The following ITGB3 variants were observed in gnomAD, a reference collection of about 807,000 sequenced individuals.
ITGB3 encodes the protein integrin subunit beta 3.
ITGB3 carries 48 observed loss-of-function variants against 85.8 expected under a neutral mutation model. That is an observed-to-expected ratio of 0.56 (90% CI 0.44 to 0.71). ITGB3 has a LOEUF of 0.71. Among genes scored for constraint, ITGB3 ranks in the 30% least tolerant of loss-of-function variants. The pLI is 0.00. For missense variants in ITGB3, 861 were observed against 1,019.1 expected, an observed-to-expected ratio of 0.84 and a Z score of 2.11; for synonymous variants, 363 against 395.6, an observed-to-expected ratio of 0.92 and a Z score of 0.98.
At position 47,290,280 on chromosome 17, in the gene ITGB3, T is replaced by C; in HGVS notation, c.1125+6T>C. On this transcript the variant is annotated splice_donor_region_variant and intron_variant, in intron 8 of 14. Coordinates refer to ENST00000559488, the MANE Select transcript of ITGB3 (RefSeq NM_000212.3). ...TCATTGTTGATGCTTATGGGGTAAG[T>C]GTCTTGTGCTGGGAATAGTCCCGCG... 2 of 1,611,504 alleles carry C rather than the reference T, an allele frequency of 1.2e-6. No individual in the cohort carries two copies. Among genetic ancestry groups the C allele is most frequent in the Non-Finnish European group, 1.7e-6 (2 of 1,177,904 alleles).
At chr17:47,284,415 T>C in intron 3 of ITGB3, 28 bp from the exon 4 acceptor site, 1 of 1,613,988 alleles carries the variant, frequency 6.2e-7, no homozygotes, top group Non-Finnish European at 8.5e-7. Context: ...GAGAAGAAGA[T>C]AAAAACTAAC....
intron 10 of ITGB3, among the ~76,000 whole-genome samples, chr17:47,293,411 A>G (rs534078171): frequency 1.3e-5 from 2 of 152,320 alleles, no homozygotes; most frequent in East Asian, 3.9e-4. Flanking sequence ...CAACACTCTC[A>G]GAGGGCAAAT....
intron 2 of ITGB3, among the ~76,000 whole-genome samples, chr17:47,276,071 G>A (rs948148557): frequency 2.6e-5 from 4 of 152,170 alleles, no homozygotes; most frequent in Admixed American, 2.6e-4. Context: ...GGGGGGCCTT[G>A]GGTAGCCGAA....
At chr17:47,284,779 C>T in intron 4 of ITGB3, 84 bp downstream of exon 4, 1 of 1,568,540 alleles carries the variant, frequency 6.4e-7, no homozygotes, top group African/African-American at 1.4e-5. Context: ...GCTCTAGGAT[C>T]ACTTTGTTGG....
intron 10 of ITGB3, among the ~76,000 whole-genome samples, chr17:47,293,858 G>A (rs148917834): frequency 0.019 from 2,960 of 152,110 alleles, 84 homozygotes; most frequent in African/African-American, 0.068. Flanking sequence ...CTCCCACCTC[G>A]GCCTCCCAAA....
Position 47,302,847 on chromosome 17 carries a change from GA to G in ITGB3, c.2134+9del. Reference sequence around the variant, plus strand: ...TATGTGGTAGAAGAGCCAGGTGAGTGAACCCTGACGGCTCCCGGCCCTGCCC... The same window carrying G: ...TATGTGGTAGAAGAGCCAGGTGAGTGACCCTGACGGCTCCCGGCCCTGCCC... On this transcript the variant is annotated splice_region_variant and intron_variant, in intron 13 of 14. Coordinates refer to ENST00000559488, the MANE Select transcript of ITGB3 (RefSeq NM_000212.3). The G allele has an allele frequency of 6.2e-7, 1 of 1,614,136 alleles. No individual in the cohort carries two copies. Among genetic ancestry groups the G allele is most frequent in the Non-Finnish European group, 8.5e-7 (1 of 1,180,006 alleles).
At chr17:47,279,638 T>C (rs1168957435) in intron 2 of ITGB3, 2 of 152,156 alleles carry the variant, frequency 1.3e-5, no homozygotes, top group Non-Finnish European at 2.9e-5. Flanking sequence ...CATTAGAAAA[T>C]AGGAGTCAGG....
At chr17:47,268,352 A>T (rs1272697555) in intron 1 of ITGB3, among the ~76,000 whole-genome samples, 1 of 152,218 alleles carries the variant, frequency 6.6e-6, no homozygotes, top group Admixed American at 6.5e-5. Context: ...TTAACCTGAA[A>T]GTCCAAGTCC....
At position 47,299,276 on chromosome 17, in the gene ITGB3, C is replaced by T. The variant is rs765317520; in HGVS notation, c.1691-32C>T. ...GCCATGGGAGTGGAGCTCTCGCCAG[C>T]GGGTCCACCTTCCTGGGCTGTGTGT... On this transcript the variant is annotated intron_variant, in intron 10 of 14. Coordinates refer to ENST00000559488, the MANE Select transcript of ITGB3 (RefSeq NM_000212.3). This position sits in a 1 kb window ranked among gnomAD's most constrained non-coding sequence, Gnocchi z 5.1. The T allele has an allele frequency of 5.3e-5, 85 of 1,600,738 alleles. No individual in the cohort carries two copies. The South Asian group carries it at 6.8e-4, about 13-fold the overall frequency.
intron 8 of ITGB3, among the ~76,000 whole-genome samples, 164 bp from the exon 9 acceptor site, chr17:47,290,790 C>T (rs1200446102): frequency 6.6e-6 from 1 of 152,126 alleles, no homozygotes; most frequent in African/African-American, 2.4e-5. Flanking sequence ...GAAACAGAGT[C>T]CTAGGGGTGC....
Position 47,292,572 on chromosome 17 carries a change from A to G in ITGB3, c.1690+4A>G. 1 of 1,599,970 alleles carries G rather than the reference A, an allele frequency of 6.3e-7. No homozygotes were observed. Among genetic ancestry groups the G allele is most frequent in the Non-Finnish European group, 8.5e-7 (1 of 1,179,854 alleles). On this transcript the variant is annotated splice_donor_region_variant and intron_variant, in intron 10 of 14. Coordinates refer to ENST00000559488, the MANE Select transcript of ITGB3 (RefSeq NM_000212.3). ...TACAAGGGGGAGATGTGCTCAGGTG[A>G]GGAGAACTGCAGGGCCCCCTGTCCT... is the stretch of plus-strand genomic sequence containing the variant.
chr17:47,293,261 A>G (rs73320485), intron 10 of ITGB3, among the ~76,000 whole-genome samples: 2,710 of 152,274 alleles, frequency 0.018, 108 homozygotes, highest in African/African-American at 0.06. Flanking sequence ...TGTCCTTCTC[A>G]TTGCAAAATT....
In ITGB3 at chr17:47,283,372, C is replaced by G; in HGVS notation, c.184C>G (p.Pro62Ala). 6.2e-7 allele frequency: 1 copy of G among 1,614,214 alleles called. No homozygotes were observed. The highest frequency in any genetic ancestry group is 8.5e-7 in the Non-Finnish European group (1 of 1,180,044). Reference sequence around the variant, plus strand: ...CTTACAGGCCCTGCCTCTGGGCTCACCTCGCTGTGACCTGAAGGAGAATCT... The same window carrying G: ...CTTACAGGCCCTGCCTCTGGGCTCAGCTCGCTGTGACCTGAAGGAGAATCT... Reference protein sequence around the residue: ...CSDEALPLGSPRCDLKENLLK... With the variant: ...CSDEALPLGSARCDLKENLLK... Residue 62 changes from proline to alanine, a missense_variant, in exon 3 of 15, where the codon CCT becomes GCT. Physicochemically the swap from Pro to Ala is conservative, Grantham distance 27. Coordinates refer to ENST00000559488, the MANE Select transcript of ITGB3 (RefSeq NM_000212.3).
intron 3 of ITGB3, 145 bp from the exon 4 acceptor site, chr17:47,284,298 T>C (rs986198527): frequency 2.3e-6 from 2 of 870,750 alleles, no homozygotes; most frequent in Non-Finnish European, 3.6e-6. Context: ...AGAAGAGTAA[T>C]AGAATTGCAA....
At chr17:47,293,979 AG>A (rs1318224491) in intron 10 of ITGB3, among the ~76,000 whole-genome samples, 1 of 152,236 alleles carries the variant, frequency 6.6e-6, no homozygotes, top group Non-Finnish European at 1.5e-5. Context: ...CCTTTAAAAA[AG>A]CTCACTTAGA....
In ITGB3 at chr17:47,313,350, T is replaced by TC. The variant is rs2065223717; in HGVS notation, c.*3146_*3147insC. 6.8e-6 allele frequency among the ~76,000 whole-genome samples: 1 copy of TC among 147,948 alleles called. No homozygotes were observed. Among genetic ancestry groups the TC allele is most frequent in the Non-Finnish European group, 1.5e-5 (1 of 66,694 alleles). On this transcript the variant is annotated 3_prime_UTR_variant, in exon 15 of 15. Coordinates refer to ENST00000559488, the MANE Select transcript of ITGB3 (RefSeq NM_000212.3). ...ATTCCTGGTTGAAATTTCTTTTCTT[T>TC]TTTTTTTTTTTTTTGAGACAGAGTC...
intron 9 of ITGB3, chr17:47,291,576 G>C (rs2065125872): frequency 3.8e-6 from 1 of 266,038 alleles, no homozygotes. Flanking sequence ...GAGGAAGGAG[G>C]GGAAGAAAAT....
In ITGB3 at chr17:47,285,851, A is replaced by T. The variant is rs9912177; in HGVS notation, c.615-409A>T. Among the ~76,000 whole-genome samples, 907 of 152,310 alleles carry T rather than the reference A, an allele frequency of 6.0e-3. 11 individuals are homozygous for T. Among genetic ancestry groups the T allele is most frequent in the African/African-American group, 0.021 (865 of 41,568 alleles). On this transcript the variant is annotated intron_variant, in intron 4 of 14. Transcript: ENST00000559488. ...AAAGTGTTAAGTATAAGGTGATAGT[A>T]ATAGCAACTCGAGCCTCGCTCTGGT...
At chr17:47,309,730 C>CA (rs2065205472) in intron 14 of ITGB3, among the ~76,000 whole-genome samples, 1 of 151,220 alleles carries the variant, frequency 6.6e-6, no homozygotes, top group South Asian at 2.1e-4. Context: ...CCCATCTCTA[C>CA]AAAAAAATGC....
Sources: allele counts gnomAD v4.1 joint callset (sites outside exome capture counted in the v4.1 genomes callset), GRCh38; gene constraint gnomAD v4.1.1; non-coding constraint Gnocchi (gnomAD v3.1); transcripts MANE v1.5; gene names NCBI Gene and HGNC (gene_info 2026-07-23, HGNC 2026-07-21).